Variants in HSF1 observed in about 807,000 individuals in gnomAD.
HSF1 encodes the protein heat shock transcription factor 1.
HSF1 carries 32 observed loss-of-function variants against 51.7 expected under a neutral mutation model. The ratio of observed to expected loss-of-function variants is 0.62; its 90% CI spans 0.47 to 0.83. The LOEUF (loss-of-function observed/expected upper bound fraction) is 0.83, where lower values mean the gene tolerates loss of function less well. Ranked by LOEUF, HSF1 falls within the 40% of genes least tolerant of loss-of-function variation. HSF1 has a pLI of 0.00. For missense variants in HSF1, 727 were observed against 717.0 expected, an observed-to-expected ratio of 1.01 and a Z score of -0.16; for synonymous variants, 396 against 309.7, an observed-to-expected ratio of 1.28 and a Z score of -2.92.
At position 144,297,726 on chromosome 8, in the gene HSF1, C is replaced by T. The variant is rs554559975; in HGVS notation, c.117+5852C>T. ...CCCGGAGAGGGAACAGCCGGCCAGC[C>T]GAGCCCAGGAGCCCAGATCACCGGT... On this transcript the variant is annotated intron_variant, in intron 1 of 12. Coordinates refer to ENST00000528838, the MANE Select transcript of HSF1 (RefSeq NM_005526.4). The surrounding 1 kb of genome is among the most constrained non-coding windows in gnomAD (Gnocchi z 4.6). 3.3e-5 allele frequency among the ~76,000 whole-genome samples: 5 copies of T among 152,322 alleles called. No homozygotes were observed. The highest frequency in any genetic ancestry group is 1.2e-4 in the African/African-American group (5 of 41,570).
chr8:144,313,534 A>T lies in HSF1; in HGVS notation c.1166A>T (p.Asp389Val). The T allele has an allele frequency of 6.2e-7, 1 of 1,611,792 alleles. No individual in the cohort carries two copies. Among genetic ancestry groups the T allele is most frequent in the Non-Finnish European group, 8.5e-7 (1 of 1,178,986 alleles). Residue 389 changes from aspartate to valine, a missense_variant, in exon 10 of 13, where the codon GAT becomes GTT. Physicochemically the swap from Asp to Val is radical, Grantham distance 152. This residue lies in a region of HSF1 where 470 missense variants were observed against 398.8 expected (regional missense o/e 1.18). Transcript: ENST00000528838. ...AGGAATGAGCTCAGTGACCACTTGG[A>T]TGCTATGGACTCCAACCTGGATAAC... ...LDKNELSDHLDAMDSNLDNLQ... is the reference protein window; with the variant it reads ...LDKNELSDHLVAMDSNLDNLQ...
At chr8:144,298,661 C>T (rs545510480) in intron 1 of HSF1, among the ~76,000 whole-genome samples, 20 of 152,108 alleles carry the variant, frequency 1.3e-4, no homozygotes, top group African/African-American at 4.6e-4. Context: ...CAAAATTGTC[C>T]AGGCTTTTTA....
chr8:144,296,821 AG>A (rs1292231842), intron 1 of HSF1, among the ~76,000 whole-genome samples: 2 of 144,296 alleles, frequency 1.4e-5, no homozygotes, highest in Non-Finnish European at 3.0e-5. Flanking sequence ...AAAAAAAAAA[AG>A]AAGGCACACA....
chr8:144,306,363 T>TTTTGTTTGTTTG (rs560837448), intron 1 of HSF1, among the ~76,000 whole-genome samples: 1 of 151,800 alleles, frequency 6.6e-6, no homozygotes, highest in South Asian at 2.1e-4. Context: ...AACTAGAGTT[T>TTTTGTTTGTTTG]TTTGTTTGTT....
chr8:144,306,231 C>T (rs758904271), intron 1 of HSF1, among the ~76,000 whole-genome samples: 31 of 149,162 alleles, frequency 2.1e-4, no homozygotes, highest in Non-Finnish European at 1.8e-4. Flanking sequence ...CTCGTAAGTC[C>T]AGTGTCCAAT....
chr8:144,302,834 T>TTG (rs1461910847), intron 1 of HSF1, among the ~76,000 whole-genome samples: 2 of 151,716 alleles, frequency 1.3e-5, no homozygotes, highest in East Asian at 3.9e-4. Context: ...AAAACATACA[T>TTG]TGAAAAAGGC....
intron 1 of HSF1, chr8:144,293,429 C>T (rs1179475526): frequency 2.0e-5 from 3 of 151,714 alleles, no homozygotes; most frequent in African/African-American, 7.3e-5. Flanking sequence ...TTCTTTTATC[C>T]GTCTTTTTCT....
At chr8:144,302,769 C>T (rs1554842635) in intron 1 of HSF1, among the ~76,000 whole-genome samples, 1 of 152,004 alleles carries the variant, frequency 6.6e-6, no homozygotes, top group Non-Finnish European at 1.5e-5. Context: ...TTGCAGTGAG[C>T]CCAGATCGCG....
At chr8:144,301,318 C>T (rs1261247433) in intron 1 of HSF1, among the ~76,000 whole-genome samples, 2 of 151,988 alleles carry the variant, frequency 1.3e-5, no homozygotes, top group Non-Finnish European at 2.9e-5. Context: ...ACTCGGGAGG[C>T]TGAGGCGGGA....
At chr8:144,294,769 C>G (rs1815345747) in intron 1 of HSF1, among the ~76,000 whole-genome samples, 2 of 151,882 alleles carry the variant, frequency 1.3e-5, no homozygotes, top group Admixed American at 6.6e-5. Context: ...CCACCCCCCC[C>G]TCCCAAGACC....
At chr8:144,310,067 C>A in intron 4 of HSF1, 171 bp downstream of exon 4, 1 of 760,814 alleles carries the variant, frequency 1.3e-6, no homozygotes, top group Non-Finnish European at 2.1e-6. Flanking sequence ...GTGGCTGCTG[C>A]AACAGCTCTG....
chr8:144,308,246 G>A (rs868980903), intron 1 of HSF1, among the ~76,000 whole-genome samples: 7 of 152,150 alleles, frequency 4.6e-5, no homozygotes, highest in African/African-American at 7.2e-5. Flanking sequence ...CTAAGCCTTC[G>A]ATGTCCCCTC....
chr8:144,309,568 A>G lies in HSF1; in HGVS notation c.340A>G (p.Asn114Asp). ...GCGTGGCCAGGAGCAGCTCCTTGAG[A>G]ACATCAAGAGGAAAGTGACCAGTGT... is the stretch of plus-strand genomic sequence containing the variant. ...FLRGQEQLLE[N>D]IKRKVTSVST... The change falls in exon 3 of 13, where the codon AAC becomes GAC. Residue 114 changes from asparagine (N) to aspartate (D), a missense_variant. By Grantham distance (23) the Asn-to-Asp change is conservative. This residue lies in a region of HSF1 where 257 missense variants were observed against 318.3 expected (regional missense o/e 0.81). Coordinates refer to ENST00000528838, the MANE Select transcript of HSF1 (RefSeq NM_005526.4). 2 of 1,613,950 alleles carry G rather than the reference A, an allele frequency of 1.2e-6. No homozygotes were observed. Among genetic ancestry groups the G allele is most frequent in the Non-Finnish European group, 1.7e-6 (2 of 1,179,982 alleles).
At position 144,312,046 on chromosome 8, in the gene HSF1, C is replaced by T. The variant is rs1454398083; in HGVS notation, c.944C>T (p.Pro315Leu). 1.2e-6 allele frequency: 2 copies of T among 1,611,676 alleles called. No individual in the cohort carries two copies. The highest frequency in any genetic ancestry group is 1.7e-6 in the Non-Finnish European group (2 of 1,179,494). The change falls in exon 9 of 13, where the codon CCC becomes CTC. Residue 315 changes from proline (P) to leucine (L), a missense_variant. Physicochemically the swap from Pro to Leu is moderately conservative, Grantham distance 98 (BLOSUM62 -3). Around this residue, in one of 2 missense-constraint regions of HSF1, gnomAD observed 470 missense variants for 398.8 expected, o/e 1.18. Transcript: ENST00000528838. ...PQSPRVEEAS[P>L]GRPSSVDTLL... ...AGCCCCCGGGTAGAGGAGGCGAGTC[C>T]CGGGCGCCCATCTTCCGTGGACACC... is the stretch of plus-strand genomic sequence containing the variant.
At chr8:144,293,234 A>G (rs964608414) in intron 1 of HSF1, among the ~76,000 whole-genome samples, 3 of 152,210 alleles carry the variant, frequency 2.0e-5, no homozygotes, top group Non-Finnish European at 4.4e-5. Flanking sequence ...TAAAGAGAAG[A>G]CTGGAAATCT....
Position 144,313,579 on chromosome 8 carries a change from G to A in HSF1, c.1211G>A (p.Ser404Asn). The change falls in exon 10 of 13, where the codon AGC becomes AAC. Residue 404 changes from serine to asparagine, a missense_variant. Physicochemically the swap from Ser to Asn is conservative, Grantham distance 46. Around this residue, in one of 2 missense-constraint regions of HSF1, gnomAD observed 470 missense variants for 398.8 expected, o/e 1.18. Transcript: ENST00000528838. ...NLDNLQTMLSSHGFSVDTSAL... is the reference protein window; with the variant it reads ...NLDNLQTMLSNHGFSVDTSAL... ...GATAACCTGCAGACCATGCTGAGCAGCCACGGCTTCAGCGTGGACACCAGT... is the reference window on the plus strand; with the variant it reads ...GATAACCTGCAGACCATGCTGAGCAACCACGGCTTCAGCGTGGACACCAGT... The A allele has an allele frequency of 6.2e-7, 1 of 1,611,284 alleles. No homozygotes were observed. The highest frequency in any genetic ancestry group is 8.5e-7 in the Non-Finnish European group (1 of 1,178,922).
At position 144,308,876 on chromosome 8, in the gene HSF1, G is replaced by A. The variant is rs782596807; in HGVS notation, c.118-30G>A. On this transcript the variant is annotated intron_variant, in intron 1 of 12. Coordinates refer to ENST00000528838, the MANE Select transcript of HSF1 (RefSeq NM_005526.4). Reference sequence around the variant, plus strand: ...TGGGCACGCTGCCCCTCACCACCACGCGTGACCCACCCATGTGTCTCCCTT... The same window carrying A: ...TGGGCACGCTGCCCCTCACCACCACACGTGACCCACCCATGTGTCTCCCTT... 80 of 1,587,156 alleles carry A rather than the reference G, an allele frequency of 5.0e-5. No individual in the cohort carries two copies. In the Admixed American group the frequency reaches 6.0e-4, roughly 12 times the overall value.
In HSF1 at chr8:144,297,445, G is replaced by A. The variant is rs1230228281; in HGVS notation, c.117+5571G>A. On this transcript the variant is annotated intron_variant, in intron 1 of 12. Coordinates refer to ENST00000528838, the MANE Select transcript of HSF1 (RefSeq NM_005526.4). This position sits in a 1 kb window ranked among gnomAD's most constrained non-coding sequence, Gnocchi z 4.6. ...TTGTGCTGCTCTTGGTCCTTGTGTGGCGAGAACACGCTGGAAGCTCCTCCA... is the reference window on the plus strand; with the variant it reads ...TTGTGCTGCTCTTGGTCCTTGTGTGACGAGAACACGCTGGAAGCTCCTCCA... 2.0e-5 allele frequency among the ~76,000 whole-genome samples: 3 copies of A among 152,186 alleles called. No homozygotes were observed. Among genetic ancestry groups the A allele is most frequent in the African/African-American group, 7.2e-5 (3 of 41,444 alleles).
intron 9 of HSF1, chr8:144,312,698 C>T (rs1554845249): frequency 6.5e-7 from 1 of 1,535,448 alleles, no homozygotes; most frequent in Non-Finnish European, 8.7e-7. Flanking sequence ...TCCGCATGGC[C>T]AAGTCCAGCC....
Sources: allele counts gnomAD v4.1 joint callset (sites outside exome capture counted in the v4.1 genomes callset), GRCh38; gene constraint gnomAD v4.1.1; regional missense constraint gnomAD v4.1.1; non-coding constraint Gnocchi (gnomAD v3.1); transcripts MANE v1.5; gene names NCBI Gene and HGNC (gene_info 2026-07-23, HGNC 2026-07-21).